The following CABCOCO1 variants were observed in gnomAD, a reference collection of about 807,000 sequenced individuals.
The protein encoded by CABCOCO1 is ciliary-associated calcium-binding coiled-coil protein 1.
In CABCOCO1, 28 loss-of-function variants were observed where a neutral mutation model predicts 35.7. The observed-to-expected ratio is 0.78, with a 90% CI of 0.58 to 1.07. CABCOCO1 has a LOEUF of 1.07. Among genes scored for constraint, CABCOCO1 ranks in the 50% least tolerant of loss-of-function variants. CABCOCO1 has a pLI of 0.00. For missense variants in CABCOCO1, 326 were observed against 309.2 expected, an observed-to-expected ratio of 1.05 and a Z score of -0.41; for synonymous variants, 95 against 100.1, an observed-to-expected ratio of 0.95 and a Z score of 0.30.
chr10:61,690,402 T>C (rs567643145), intron 4 of CABCOCO1, 147 bp from the exon 5 acceptor site: 15 of 524,382 alleles, frequency 2.9e-5, no homozygotes, highest in African/African-American at 2.7e-4. Flanking sequence ...CAATTTCTTT[T>C]GGAATAAAGG....
chr10:61,715,976 A>G (rs7893792), intron 5 of CABCOCO1, among the ~76,000 whole-genome samples: 1,905 of 152,012 alleles, frequency 0.013, 29 homozygotes, highest in African/African-American at 0.043. Flanking sequence ...GGTGAATCTG[A>G]CAATTATGTT....
At chr10:61,704,440 G>A (rs934275659) in intron 5 of CABCOCO1, among the ~76,000 whole-genome samples, 12 of 152,138 alleles carry the variant, frequency 7.9e-5, no homozygotes, top group Non-Finnish European at 1.3e-4. Flanking sequence ...TGGTTGCTAT[G>A]CTATAAGGAC....
At chr10:61,756,475 G>T (rs1299063757) in intron 5 of CABCOCO1, among the ~76,000 whole-genome samples, 3 of 151,862 alleles carry the variant, frequency 2.0e-5, no homozygotes, top group Admixed American at 2.0e-4. Flanking sequence ...AGTTCAAATG[G>T]TCTGCTCATT....
chr10:61,718,101 T>A (rs1332675943), intron 5 of CABCOCO1, among the ~76,000 whole-genome samples: 1 of 152,172 alleles, frequency 6.6e-6, no homozygotes, highest in Non-Finnish European at 1.5e-5. Context: ...GAGTATTTAA[T>A]GTACTAACGG....
Position 61,715,928 on chromosome 10 carries a change from C to G in CABCOCO1, c.552+25307C>G, listed in dbSNP as rs533716901. 1.0e-3 allele frequency among the ~76,000 whole-genome samples: 158 copies of G among 152,264 alleles called. 1 individual carries two copies. Among genetic ancestry groups the G allele is most frequent in the African/African-American group, 3.6e-3 (148 of 41,558 alleles). On this transcript the variant is annotated intron_variant, in intron 5 of 7. Coordinates refer to ENST00000648843, the MANE Select transcript of CABCOCO1 (RefSeq NM_001366906.2). Reference sequence around the variant, plus strand: ...TTTGTGGGTAACTCAACCTTTCTCTCTGGCTGCCCTTAACATTTTTTCCTT... The same window carrying G: ...TTTGTGGGTAACTCAACCTTTCTCTGTGGCTGCCCTTAACATTTTTTCCTT...
At chr10:61,762,456 A>G (rs1842027361) in intron 7 of CABCOCO1, among the ~76,000 whole-genome samples, 1 of 152,126 alleles carries the variant, frequency 6.6e-6, no homozygotes, top group African/African-American at 2.4e-5. Context: ...TGTGGACCAG[A>G]GGACAGGGAT....
intron 5 of CABCOCO1, among the ~76,000 whole-genome samples, chr10:61,716,500 A>G (rs1409629297): frequency 1.3e-5 from 2 of 152,126 alleles, no homozygotes; most frequent in African/African-American, 2.4e-5. Context: ...TTTCAAATTT[A>G]TGCTTGTCCA....
intron 2 of CABCOCO1, among the ~76,000 whole-genome samples, chr10:61,673,561 A>C (rs1423018298): frequency 6.6e-6 from 1 of 152,228 alleles, no homozygotes; most frequent in Non-Finnish European, 1.5e-5. Context: ...GTTATCACTG[A>C]CAAATCTTAC....
intron 5 of CABCOCO1, among the ~76,000 whole-genome samples, chr10:61,707,734 T>G (rs1840628416): frequency 6.6e-6 from 1 of 152,174 alleles, no homozygotes; most frequent in African/African-American, 2.4e-5. Flanking sequence ...CGTGTTGCAA[T>G]GGAACTTTTT....
chr10:61,754,330 G>C (rs1589155919), intron 5 of CABCOCO1, among the ~76,000 whole-genome samples: 1 of 152,002 alleles, frequency 6.6e-6, no homozygotes, highest in African/African-American at 2.4e-5. Flanking sequence ...GTATCTGAAG[G>C]ACTGCTCTAT....
intron 5 of CABCOCO1, among the ~76,000 whole-genome samples, chr10:61,710,867 C>A (rs1840718963): frequency 6.6e-6 from 1 of 151,816 alleles, no homozygotes; most frequent in Non-Finnish European, 1.5e-5. Flanking sequence ...GAATCTGATA[C>A]TCTGTGACAG....
chr10:61,719,518 A>C (rs1396795789), intron 5 of CABCOCO1, among the ~76,000 whole-genome samples: 1 of 152,084 alleles, frequency 6.6e-6, no homozygotes, highest in Non-Finnish European at 1.5e-5. Flanking sequence ...GCTTTGAAAA[A>C]CACAGAAAAT....
At chr10:61,690,925 C>G (rs887163776) in intron 5 of CABCOCO1, among the ~76,000 whole-genome samples, 1 of 151,964 alleles carries the variant, frequency 6.6e-6, no homozygotes. Flanking sequence ...AAAAAAACAA[C>G]TAGTAATTTG....
intron 4 of CABCOCO1, among the ~76,000 whole-genome samples, chr10:61,689,597 T>C (rs1410500903): frequency 1.3e-5 from 2 of 152,192 alleles, no homozygotes; most frequent in Non-Finnish European, 2.9e-5. Flanking sequence ...AAGCCATTAT[T>C]ATACATGCTC....
chr10:61,668,686 C>A (rs1839263735), intron 1 of CABCOCO1, among the ~76,000 whole-genome samples: 1 of 151,882 alleles, frequency 6.6e-6, no homozygotes, highest in African/African-American at 2.4e-5. Flanking sequence ...TAAGGAATTA[C>A]CTCTTGCTTT....
intron 5 of CABCOCO1, among the ~76,000 whole-genome samples, chr10:61,705,919 T>C (rs1278411093): frequency 6.6e-6 from 1 of 152,224 alleles, no homozygotes; most frequent in Non-Finnish European, 1.5e-5. Flanking sequence ...CTCTGCAGAC[T>C]TGAGTTAATC....
At position 61,685,583 on chromosome 10, in the gene CABCOCO1, CAG is replaced by C. The variant is rs577364714; in HGVS notation, c.335-455_335-454del. On this transcript the variant is annotated intron_variant, in intron 3 of 7. Coordinates refer to ENST00000648843, the MANE Select transcript of CABCOCO1 (RefSeq NM_001366906.2). ...CGCAGGGTCAGCGCTATTCCTGAGA[CAG>C]AGTCTCACTGTGTCACCCAGGCTGG... 1.8e-3 allele frequency among the ~76,000 whole-genome samples: 267 copies of C among 152,238 alleles called. 1 individual carries two copies. The highest frequency in any genetic ancestry group is 3.4e-3 in the Middle Eastern group (1 of 294).
intron 5 of CABCOCO1, among the ~76,000 whole-genome samples, chr10:61,712,838 G>A (rs139236118): frequency 0.013 from 2,034 of 152,196 alleles, 34 homozygotes; most frequent in African/African-American, 0.046. Flanking sequence ...TATTTCTGAA[G>A]CCTCTGTTCT....
At position 61,667,044 on chromosome 10, in the gene CABCOCO1, A is replaced by G. The variant is rs941665785; in HGVS notation, c.60+4012A>G. Reference sequence around the variant, plus strand: ...TATAAATATAATTATATTATATATAAATTTCATATATTATATATAAATATA... The same window carrying G: ...TATAAATATAATTATATTATATATAGATTTCATATATTATATATAAATATA... On this transcript the variant is annotated intron_variant, in intron 1 of 7. Coordinates refer to ENST00000648843, the MANE Select transcript of CABCOCO1 (RefSeq NM_001366906.2). Among the ~76,000 whole-genome samples the G allele has an allele frequency of 2.8e-3, 404 of 142,034 alleles. 10 individuals are homozygous for G. The highest frequency in any genetic ancestry group is 1.2e-3 in the Non-Finnish European group (78 of 65,590). 93.2% of individuals were successfully genotyped at this position (142,034 alleles called of 152,430 possible). A position where few individuals can be genotyped will look rare whatever the true frequency, so the allele number is the denominator to read the frequency against.
Sources: allele counts gnomAD v4.1 joint callset (sites outside exome capture counted in the v4.1 genomes callset), GRCh38; gene constraint gnomAD v4.1.1; transcripts MANE v1.5; gene names NCBI Gene and HGNC (gene_info 2026-07-23, HGNC 2026-07-21).